The following TENM2 variants were observed in gnomAD, a reference collection of about 807,000 sequenced individuals.
The protein encoded by TENM2 is teneurin-2.
Under a neutral mutation model 245.2 loss-of-function variants are expected in TENM2, and 52 were observed. That is an observed-to-expected ratio of 0.21 (90% CI 0.17 to 0.27). The LOEUF is 0.27. Ranked by LOEUF, TENM2 falls within the 10% of genes least tolerant of loss-of-function variation. The probability of loss-of-function intolerance (pLI) is 1.00; values close to 1 mark genes in which losing one functional copy is unlikely to be tolerated. For synonymous variants in TENM2, 1,363 were observed against 1,438.9 expected (o/e 0.95, Z 1.19); for missense variants, 3,046 against 3,666.8 (o/e 0.83, Z 4.37).
At chr5:167,035,565 T>A in the TENM2 span, among the ~76,000 whole-genome samples, 3 of 152,216 alleles carry the variant, frequency 2.0e-5, no homozygotes, top group African/African-American at 7.2e-5. Context: ...GTTGGTCAGG[T>A]TATACATATT....
intron 6 of TENM2, among the ~76,000 whole-genome samples, chr5:168,048,507 A>G (rs1485131695): frequency 6.6e-6 from 1 of 152,198 alleles, no homozygotes; most frequent in African/African-American, 2.4e-5. Context: ...GCATTGTATA[A>G]CTTTAACAAC....
At chr5:167,204,943 G>A in the TENM2 span, among the ~76,000 whole-genome samples, 1 of 152,156 alleles carries the variant, frequency 6.6e-6, no homozygotes, top group Non-Finnish European at 1.5e-5. Flanking sequence ...TTACTTGTTG[G>A]CCTTTGACTC....
chr5:167,160,856 A>G, the TENM2 span, among the ~76,000 whole-genome samples: 2 of 152,224 alleles, frequency 1.3e-5, no homozygotes, highest in African/African-American at 4.8e-5. Context: ...AAGCTCAGTA[A>G]ATATTGGTTG....
the TENM2 span, among the ~76,000 whole-genome samples, chr5:167,106,647 A>G: frequency 6.6e-6 from 1 of 152,116 alleles, no homozygotes; most frequent in East Asian, 1.9e-4. Context: ...GTGGTGTGAA[A>G]TGCACTGGAG....
intron 2 of TENM2, among the ~76,000 whole-genome samples, chr5:167,676,678 G>A (rs1012621386): frequency 1.3e-5 from 2 of 151,824 alleles, no homozygotes; most frequent in African/African-American, 4.8e-5. Context: ...AGGCTGCTTT[G>A]GGATGATAGT....
chr5:167,129,784 G>C, the TENM2 span, among the ~76,000 whole-genome samples: 1 of 152,052 alleles, frequency 6.6e-6, no homozygotes, highest in Non-Finnish European at 1.5e-5. Context: ...TTTTTCCCTT[G>C]ACCCACAAAG....
chr5:167,942,777 T>C (rs1045176884), intron 3 of TENM2, among the ~76,000 whole-genome samples: 1 of 152,128 alleles, frequency 6.6e-6, no homozygotes, highest in Admixed American at 6.5e-5. Flanking sequence ...TTTATTTTAA[T>C]TGGGAGGTAA....
At chr5:167,388,003 G>GT (rs1442178425) in intron 2 of TENM2, among the ~76,000 whole-genome samples, 1 of 152,026 alleles carries the variant, frequency 6.6e-6, no homozygotes, top group Non-Finnish European at 1.5e-5. Flanking sequence ...TCCTTTCCTG[G>GT]TTTTGATATT....
intron 2 of TENM2, among the ~76,000 whole-genome samples, chr5:167,611,868 C>T (rs1340974267): frequency 6.6e-6 from 1 of 151,970 alleles, no homozygotes; most frequent in Non-Finnish European, 1.5e-5. Context: ...CCTAATCCCA[C>T]CTCCCGAAAC....
chr5:167,869,872 A>G (rs564062268), intron 2 of TENM2, among the ~76,000 whole-genome samples: 29 of 152,300 alleles, frequency 1.9e-4, no homozygotes, highest in Admixed American at 7.2e-4. Context: ...ACAAAAGGAG[A>G]GCAATATCCC....
chr5:167,401,050 CACTG>C (rs1438547169), intron 2 of TENM2, among the ~76,000 whole-genome samples: 3 of 151,958 alleles, frequency 2.0e-5, no homozygotes, highest in Non-Finnish European at 2.9e-5. Context: ...GTGATTTTGC[CACTG>C]CACTCCAGCT....
At chr5:167,307,559 A>T (rs1755753331) in intron 1 of TENM2, among the ~76,000 whole-genome samples, 1 of 152,096 alleles carries the variant, frequency 6.6e-6, no homozygotes, top group South Asian at 2.1e-4. Flanking sequence ...CATTTGACAG[A>T]TGAGGAAACT....
rs965533317 is a variant in TENM2, at chr5:168,256,253, T to C, written c.7433-4030T>C. Among the ~76,000 whole-genome samples, 12 of 151,790 alleles carry C rather than the reference T, an allele frequency of 7.9e-5. 1 individual carries two copies. In the East Asian group the frequency reaches 2.3e-3, roughly 29 times the overall value. ...ATATGTGTATATATATGTATATATA[T>C]TTTTAGCAACAGGTGGCCATGAATA... On this transcript the variant is annotated intron_variant, in intron 27 of 28. Coordinates refer to ENST00000518659, the Ensembl canonical transcript of TENM2.
At chr5:167,446,339 T>C (rs890341537) in intron 2 of TENM2, among the ~76,000 whole-genome samples, 3 of 145,998 alleles carry the variant, frequency 2.1e-5, no homozygotes, top group Non-Finnish European at 4.6e-5. Context: ...CTCCTGGTCC[T>C]CTACCTCTAA....
chr5:168,206,902 G>A (rs761127225), intron 19 of TENM2, among the ~76,000 whole-genome samples: 10 of 152,066 alleles, frequency 6.6e-5, no homozygotes, highest in Non-Finnish European at 1.3e-4. Flanking sequence ...CTGCTCAGAG[G>A]CTAATCAGCC....
chr5:167,099,484 T>A, the TENM2 span, among the ~76,000 whole-genome samples: 1 of 151,966 alleles, frequency 6.6e-6, no homozygotes, highest in Non-Finnish European at 1.5e-5. Context: ...TCGCCTGAGG[T>A]TGGGAGTTCG....
At position 168,218,181 on chromosome 5, in the gene TENM2, T is replaced by C; in HGVS notation, c.4290T>C (p.Tyr1430=). 6.2e-7 allele frequency: 1 copy of C among 1,613,998 alleles called. No homozygotes were observed. The highest frequency in any genetic ancestry group is 1.1e-5 in the South Asian group (1 of 91,070). ...TCAATCCCATGGATAACTCCTTGTA[T>C]GTTCTAGAGAACAATGTCATCCTTC... The change falls in exon 23 of 29, where the codon TAT becomes TAC. Residue 1430 remains tyrosine (Y), a synonymous_variant. Transcript: ENST00000518659. The surrounding 1 kb of genome is among the most constrained non-coding windows in gnomAD (Gnocchi z 5.2).
At chr5:167,218,040 T>TAATGAGCC in the TENM2 span, among the ~76,000 whole-genome samples, 1 of 152,144 alleles carries the variant, frequency 6.6e-6, no homozygotes, top group Non-Finnish European at 1.5e-5. Context: ...ATGCTTTCCA[T>TAATGAGCC]AATGAGCCCT....
intron 2 of TENM2, among the ~76,000 whole-genome samples, chr5:167,745,105 A>G (rs1381445242): frequency 6.6e-6 from 1 of 152,192 alleles, no homozygotes; most frequent in Admixed American, 6.5e-5. Flanking sequence ...ATTCTTCTCA[A>G]ATTGGTGGAT....
Sources: allele counts gnomAD v4.1 joint callset (sites outside exome capture counted in the v4.1 genomes callset), GRCh38; gene constraint gnomAD v4.1.1; non-coding constraint Gnocchi (gnomAD v3.1); transcripts MANE v1.5; gene names NCBI Gene and HGNC (gene_info 2026-07-23, HGNC 2026-07-21).